The following ZNF404 variants were observed in gnomAD, a reference collection of about 807,000 sequenced individuals.
ZNF404 encodes zinc finger protein 404.
Under a neutral mutation model 7.3 loss-of-function variants are expected in ZNF404, and 7 were observed. The ratio of observed to expected loss-of-function variants is 0.95; its 90% CI spans 0.54 to 1.79. ZNF404 has a LOEUF of 1.79. Ranked by LOEUF, ZNF404 falls within the 40% of genes most tolerant of loss-of-function variation. The pLI, the probability that ZNF404 is intolerant of heterozygous loss-of-function variation, is 0.00. For synonymous variants in ZNF404, 191 were observed against 209.9 expected (o/e 0.91, Z 0.78); for missense variants, 560 against 661.5 (o/e 0.85, Z 1.68).
In ZNF404 at chr19:43,872,764, G is replaced by A; in HGVS notation, c.1450C>T (p.Gln484Ter). The change falls in exon 3 of 3, where the codon CAA (glutamine) becomes TAA (stop). Residue 484 changes from glutamine to a stop codon, truncating the protein, a stop_gained. Coordinates refer to ENST00000587539, the MANE Select transcript of ZNF404 (RefSeq NM_001033719.3). LOFTEE classifies it low-confidence loss of function (END_TRUNC). This position sits in a 1 kb window ranked among gnomAD's most constrained non-coding sequence, Gnocchi z 4.4. ...TCACCAGTATGAATTCTCTTATGTT[G>A]AGAAAGACCTGAGATAGAACGAAAG... ...KAFRSISGLS[Q>*]HKRIHTGEKP... 6.2e-7 allele frequency: 1 copy of A among 1,612,180 alleles called. No homozygotes were observed. Among genetic ancestry groups the A allele is most frequent in the South Asian group, 1.1e-5 (1 of 90,900 alleles).
chr19:43,872,980 C>T lies in ZNF404; in HGVS notation c.1234G>A (p.Glu412Lys). The T allele has an allele frequency of 1.2e-6, 2 of 1,603,374 alleles. No homozygotes were observed. Among genetic ancestry groups the T allele is most frequent in the Non-Finnish European group, 1.7e-6 (2 of 1,173,958 alleles). The change falls in exon 3 of 3, where the codon GAA becomes AAA. Residue 412 changes from glutamate to lysine, a missense_variant. Physicochemically the swap from Glu to Lys is moderately conservative, Grantham distance 56. Coordinates refer to ENST00000587539, the MANE Select transcript of ZNF404 (RefSeq NM_001033719.3). The surrounding 1 kb of genome is among the most constrained non-coding windows in gnomAD (Gnocchi z 4.4). Reference sequence around the variant, plus strand: ...AAGGCTTTCCCACATTGCTTACATTCATATGGCTTCAAATCAGTATGAATT... The same window carrying T: ...AAGGCTTTCCCACATTGCTTACATTTATATGGCTTCAAATCAGTATGAATT... ...QIIHTDLKPY[E>K]CKQCGKAFSR...
Position 43,872,791 on chromosome 19 carries a change from C to A in ZNF404, c.1423G>T (p.Ala475Ser), listed in dbSNP as rs1225996387. 30 of 1,610,778 alleles carry A rather than the reference C, an allele frequency of 1.9e-5. No individual in the cohort carries two copies. The highest frequency in any genetic ancestry group is 2.5e-5 in the Non-Finnish European group (30 of 1,178,132). The change falls in exon 3 of 3, where the codon GCC becomes TCC. Residue 475 changes from alanine to serine, a missense_variant. Ala to Ser is a moderately conservative substitution (Grantham distance 99, BLOSUM62 1). Coordinates refer to ENST00000587539, the MANE Select transcript of ZNF404 (RefSeq NM_001033719.3). The surrounding 1 kb of genome is among the most constrained non-coding windows in gnomAD (Gnocchi z 4.4). ...GAAAGACCTGAGATAGAACGAAAGG[C>A]CTTCTTACATTCTTTACATACATAG... The part of the protein sequence containing the change: ...KPYVCKECKK[A>S]FRSISGLSQH...
chr19:43,873,909 G>A lies in ZNF404; in HGVS notation c.305C>T (p.Pro102Leu). The A allele has an allele frequency of 1.2e-6, 2 of 1,613,076 alleles. No homozygotes were observed. Among genetic ancestry groups the A allele is most frequent in the Non-Finnish European group, 1.7e-6 (2 of 1,179,490 alleles). Residue 102 changes from proline (P) to leucine (L), a missense_variant, in exon 3 of 3, where the codon CCT becomes CTT. Coordinates refer to ENST00000587539, the MANE Select transcript of ZNF404 (RefSeq NM_001033719.3). Reference protein sequence around the residue: ...YTIEFGRQQRPKVGCFSQMIF... With the variant: ...YTIEFGRQQRLKVGCFSQMIF... ...CATTTGACTAAAACATCCCACTTTAGGTCTCTGTTGTCTCCCAAATTCAAT... is the reference window on the plus strand; with the variant it reads ...CATTTGACTAAAACATCCCACTTTAAGTCTCTGTTGTCTCCCAAATTCAAT...
rs1009731342 is a variant in ZNF404, at chr19:43,882,473, C to T, written c.9+1483G>A. Reference sequence around the variant, plus strand: ...TTTCTTAGATACAACACCAACAGTACAATCCCTAAAGAAAAAGTACAATCT... The same window carrying T: ...TTTCTTAGATACAACACCAACAGTATAATCCCTAAAGAAAAAGTACAATCT... On this transcript the variant is annotated intron_variant, in intron 1 of 2. Coordinates refer to ENST00000587539, the MANE Select transcript of ZNF404 (RefSeq NM_001033719.3). Among the ~76,000 whole-genome samples, 6 of 152,166 alleles carry T rather than the reference C, an allele frequency of 3.9e-5. No homozygotes were observed. The East Asian group carries it at 9.7e-4, about 24-fold the overall frequency.
chr19:43,881,886 G>C (rs1971897232), intron 1 of ZNF404: 1 of 150,740 alleles, frequency 6.6e-6, no homozygotes, highest in Non-Finnish European at 1.5e-5. Context: ...GAACCTGGGA[G>C]GTGGAGGTTG....
chr19:43,875,064 C>T (rs1454506809), intron 2 of ZNF404, among the ~76,000 whole-genome samples: 1 of 152,054 alleles, frequency 6.6e-6, no homozygotes, highest in Non-Finnish European at 1.5e-5. Flanking sequence ...AATCTTTTAC[C>T]TCACATTTAC....
chr19:43,883,738 A>G (rs1971915865), intron 1 of ZNF404, among the ~76,000 whole-genome samples: 1 of 152,162 alleles, frequency 6.6e-6, no homozygotes, highest in Non-Finnish European at 1.5e-5. Context: ...GACTGAACAC[A>G]CAGAAGATGG....
Position 43,880,100 on chromosome 19 carries a change from A to T in ZNF404, c.46T>A (p.Ser16Thr). 1 of 1,613,632 alleles carries T rather than the reference A, an allele frequency of 6.2e-7. No individual in the cohort carries two copies. Among genetic ancestry groups the T allele is most frequent in the Non-Finnish European group, 8.5e-7 (1 of 1,179,684 alleles). Residue 16 changes from serine to threonine, a missense_variant, in exon 2 of 3, where the codon TCT becomes ACT. Physicochemically the swap from Ser to Thr is moderately conservative, Grantham distance 58 (BLOSUM62 1). Transcript: ENST00000587539. ...LTFSDVAIDF[S>T]QEEWEYLNSD... ...TTTAAATATTCCCACTCCTCCTGAG[A>T]GAAGTCTATGGCAACATCGCTGAAT...
chr19:43,882,179 A>T (rs1322992840), intron 1 of ZNF404, among the ~76,000 whole-genome samples: 1 of 152,194 alleles, frequency 6.6e-6, no homozygotes. Flanking sequence ...AGTCAATGGA[A>T]CAGAGTTGAG....
At chr19:43,877,627 C>T (rs1469658183) in intron 2 of ZNF404, among the ~76,000 whole-genome samples, 2 of 150,716 alleles carry the variant, frequency 1.3e-5, no homozygotes, top group Admixed American at 1.3e-4. Context: ...TACATGTGCA[C>T]ATTGTGCAGG....
Position 43,880,117 on chromosome 19 carries a change from T to C in ZNF404, c.29A>G (p.Asp10Gly). The stretch of plus-strand genomic sequence containing the variant: ...CTCCTGAGAGAAGTCTATGGCAACA[T>C]CGCTGAATGTCAATGGCACCTGAAA... MARVPLTFS[D>G]VAIDFSQEEW... The change falls in exon 2 of 3, where the codon GAT (aspartate) becomes GGT (glycine). Residue 10 changes from aspartate to glycine, a missense_variant. Coordinates refer to ENST00000587539, the MANE Select transcript of ZNF404 (RefSeq NM_001033719.3). 6.2e-7 allele frequency: 1 copy of C among 1,612,216 alleles called. No homozygotes were observed. The highest frequency in any genetic ancestry group is 8.5e-7 in the Non-Finnish European group (1 of 1,179,166).
At chr19:43,877,597 T>A (rs895341645) in intron 2 of ZNF404, among the ~76,000 whole-genome samples, 2 of 151,850 alleles carry the variant, frequency 1.3e-5, no homozygotes, top group African/African-American at 4.8e-5. Flanking sequence ...TTTTTTATTA[T>A]TATACTTTAA....
intron 1 of ZNF404, among the ~76,000 whole-genome samples, chr19:43,883,625 G>A (rs1447122393): frequency 6.6e-6 from 1 of 152,134 alleles, no homozygotes; most frequent in East Asian, 1.9e-4. Flanking sequence ...TAGTCAAATA[G>A]GACCATTGTT....
At chr19:43,874,361 ACTAT>A (rs1168253019) in intron 2 of ZNF404, among the ~76,000 whole-genome samples, 2 of 152,126 alleles carry the variant, frequency 1.3e-5, no homozygotes, top group African/African-American at 4.8e-5. Flanking sequence ...TTTTACATAC[ACTAT>A]CTTTTAGATA....
Position 43,873,751 on chromosome 19 carries a change from C to T in ZNF404, c.463G>A (p.Gly155Ser). ...TCATTACATTCATAGGGTATCACAC[C>T]AGTATGGTCTCTCAGATGTTCAGTA... is the stretch of plus-strand genomic sequence containing the variant. ...HLTEHLRDHT[G>S]VIPYECNECG... Residue 155 changes from glycine to serine, a missense_variant, in exon 3 of 3, where the codon GGT (glycine) becomes AGT (serine). Coordinates refer to ENST00000587539, the MANE Select transcript of ZNF404 (RefSeq NM_001033719.3). 6.2e-7 allele frequency: 1 copy of T among 1,600,018 alleles called. No homozygotes were observed. The highest frequency in any genetic ancestry group is 8.5e-7 in the Non-Finnish European group (1 of 1,179,470).
chr19:43,875,947 A>G (rs78200282), intron 2 of ZNF404, among the ~76,000 whole-genome samples: 10,541 of 151,508 alleles, frequency 0.07, 1,193 homozygotes, highest in African/African-American at 0.24. Flanking sequence ...ATAATGCACC[A>G]AGGCAAACTC....
intron 2 of ZNF404, 95 bp from the exon 3 acceptor site, chr19:43,874,172 G>T: frequency 1.2e-6 from 1 of 862,474 alleles, no homozygotes; most frequent in African/African-American, 1.8e-5. Flanking sequence ...ACTAAAAAGT[G>T]TATCTGTTAG....
chr19:43,880,725 T>C (rs751055722), intron 1 of ZNF404, among the ~76,000 whole-genome samples: 1 of 152,190 alleles, frequency 6.6e-6, no homozygotes, highest in Non-Finnish European at 1.5e-5. Flanking sequence ...ACTAGTTTAC[T>C]GTAAGGAGAC....
At position 43,880,005 on chromosome 19, in the gene ZNF404, C is replaced by A; in HGVS notation, c.136+5G>T. 6.2e-7 allele frequency: 1 copy of A among 1,613,294 alleles called. No individual in the cohort carries two copies. Among genetic ancestry groups the A allele is most frequent in the African/African-American group, 1.3e-5 (1 of 75,010 alleles). ...TTGTACATCATTTTGTGCAGATATTCTTACCCAATGAGACCAAGTTAGTAT... is the reference window on the plus strand; with the variant it reads ...TTGTACATCATTTTGTGCAGATATTATTACCCAATGAGACCAAGTTAGTAT... On this transcript the variant is annotated splice_donor_5th_base_variant and intron_variant, in intron 2 of 2. Coordinates refer to ENST00000587539, the MANE Select transcript of ZNF404 (RefSeq NM_001033719.3).
Sources: gnomAD v4.1 joint callset for allele counts (sites outside exome capture counted in the v4.1 genomes callset) on GRCh38, gnomAD v4.1.1 for gene constraint, Gnocchi (gnomAD v3.1) non-coding constraint, MANE v1.5 for transcripts, NCBI Gene and HGNC (gene_info 2026-07-23, HGNC 2026-07-21) for gene names.